Variants in ILDR1 observed in about 807,000 individuals in gnomAD.
The protein encoded by ILDR1 is immunoglobulin-like domain-containing receptor 1.
Under a neutral mutation model 62.4 loss-of-function variants are expected in ILDR1, and 56 were observed. That is an observed-to-expected ratio of 0.90 (90% CI 0.72 to 1.12). ILDR1 has a LOEUF of 1.12. ILDR1 is among the 50% of genes most tolerant of loss of function. The pLI, the probability that ILDR1 is intolerant of heterozygous loss-of-function variation, is 0.00. For synonymous variants in ILDR1, 284 were observed against 277.8 expected (o/e 1.02, Z -0.22); for missense variants, 736 against 710.6 (o/e 1.04, Z -0.41).
At chr3:122,053,057 C>T in the ILDR1 span, among the ~76,000 whole-genome samples, 621 of 152,246 alleles carry the variant, frequency 4.1e-3, no homozygotes, top group Non-Finnish European at 7.2e-3. Flanking sequence ...TGTGATGTAG[C>T]CTCTTAGCCA....
intron 5 of ILDR1, among the ~76,000 whole-genome samples, chr3:122,000,620 T>C (rs1041541805): frequency 5.3e-5 from 8 of 152,234 alleles, no homozygotes; most frequent in Non-Finnish European, 1.2e-4. Context: ...AGCAAATTAA[T>C]TGAACTGGAG....
the ILDR1 span, among the ~76,000 whole-genome samples, chr3:122,032,682 G>A: frequency 2.0e-5 from 3 of 152,276 alleles, no homozygotes; most frequent in South Asian, 4.2e-4. Flanking sequence ...GGTCATAAAA[G>A]GTACTATAGC....
chr3:122,004,599 T>C (rs927545209), intron 3 of ILDR1, among the ~76,000 whole-genome samples: 5 of 152,160 alleles, frequency 3.3e-5, no homozygotes, highest in African/African-American at 1.2e-4. Flanking sequence ...ATAGATAGGC[T>C]TTAGACACAG....
At chr3:121,996,600 G>A (rs2071439860) in intron 5 of ILDR1, among the ~76,000 whole-genome samples, 1 of 152,194 alleles carries the variant, frequency 6.6e-6, no homozygotes, top group Non-Finnish European at 1.5e-5. Context: ...CAACAAAGCT[G>A]CAAAAGACTC....
At chr3:122,005,203 CCCCCCA>C in intron 3 of ILDR1, 35 bp downstream of exon 3, 1 of 1,117,120 alleles carries the variant, frequency 9.0e-7, no homozygotes, top group Non-Finnish European at 1.3e-6. Context: ...GTCTGCACCT[CCCCCCA>C]CCCCCAGTTC....
chr3:122,052,299 T>A, the ILDR1 span, among the ~76,000 whole-genome samples: 3 of 152,094 alleles, frequency 2.0e-5, no homozygotes, highest in South Asian at 6.2e-4. Flanking sequence ...AAGAAACCAA[T>A]CCTATGGGCA....
At chr3:122,016,672 G>T (rs1027437202) in intron 1 of ILDR1, among the ~76,000 whole-genome samples, 1 of 152,230 alleles carries the variant, frequency 6.6e-6, no homozygotes, top group Non-Finnish European at 1.5e-5. Context: ...TTCAAACAAA[G>T]AGCTTTAGCC....
chr3:122,052,033 C>T, the ILDR1 span, among the ~76,000 whole-genome samples: 1 of 152,040 alleles, frequency 6.6e-6, no homozygotes. Flanking sequence ...CCCTAGTCTT[C>T]TAGAGTATGT....
chr3:122,005,279 A>C lies in ILDR1; in HGVS notation c.344T>G (p.Val115Gly), dbSNP rs1050482590. The C allele has an allele frequency of 1.2e-6, 2 of 1,605,472 alleles. No individual in the cohort carries two copies. Among genetic ancestry groups the C allele is most frequent in the Admixed American group, 3.4e-5 (2 of 58,922 alleles). Residue 115 changes from valine (V) to glycine (G), a missense_variant, in exon 3 of 8, where the codon GTA becomes GGA. Physicochemically the swap from Val to Gly is moderately radical, Grantham distance 109 (BLOSUM62 -3). Transcript: ENST00000344209. ...GGTGATCTTGCGCTGCCGGTAATCTACCCCCAGCACGGGCTCATTCTGCCC... is the reference window on the plus strand; with the variant it reads ...GGTGATCTTGCGCTGCCGGTAATCTCCCCCCAGCACGGGCTCATTCTGCCC... ...RRGQNEPVLGVDYRQRKITIQ... is the reference protein window; with the variant it reads ...RRGQNEPVLGGDYRQRKITIQ...
rs2071521028 is a variant in ILDR1, at chr3:122,001,330, G to A, written c.624C>T (p.Ala208=). 6.2e-7 allele frequency: 1 copy of A among 1,614,166 alleles called. No homozygotes were observed. Among genetic ancestry groups the A allele is most frequent in the African/African-American group, 1.3e-5 (1 of 75,024 alleles). ...CCYIRCPCCP[A]HCCCPEEALA... is the part of the protein sequence containing the mutation. Reference sequence around the variant, plus strand: ...CACCTTCCTCAGGACAGCAGCAGTGGGCAGGACAGCAGGGACAGCGGATAT... The same window carrying A: ...CACCTTCCTCAGGACAGCAGCAGTGAGCAGGACAGCAGGGACAGCGGATAT... Residue 208 remains alanine (A), a synonymous_variant, in exon 5 of 8, where the codon GCC becomes GCT. Transcript: ENST00000344209.
chr3:122,010,851 A>G (rs1211311407), intron 1 of ILDR1, among the ~76,000 whole-genome samples: 4 of 152,224 alleles, frequency 2.6e-5, no homozygotes, highest in Admixed American at 6.5e-5. Flanking sequence ...ATCTTCAAAT[A>G]TATTCTTTTA....
At chr3:121,994,155 C>T (rs901759368) in intron 6 of ILDR1, 27 bp downstream of exon 6, 2 of 1,535,198 alleles carry the variant, frequency 1.3e-6, no homozygotes, top group African/African-American at 2.7e-5. Context: ...CTGCCCTCCC[C>T]TATCCCAAAT....
chr3:122,055,641 CT>C, the ILDR1 span: 1 of 788,142 alleles, frequency 1.3e-6, no homozygotes, highest in Non-Finnish European at 2.1e-6. Context: ...TACAAAAGAT[CT>C]TTGGCACATA....
intron 3 of ILDR1, among the ~76,000 whole-genome samples, chr3:122,005,001 T>A (rs542461610): frequency 6.6e-6 from 1 of 152,298 alleles, no homozygotes; most frequent in African/African-American, 2.4e-5. Context: ...CCCCTAGACC[T>A]TTAGCCAAAG....
At chr3:122,053,146 G>T in the ILDR1 span, among the ~76,000 whole-genome samples, 2 of 152,142 alleles carry the variant, frequency 1.3e-5, no homozygotes, top group Non-Finnish European at 2.9e-5. Context: ...ACAGGCTGGG[G>T]TTTCTCATTC....
the ILDR1 span, among the ~76,000 whole-genome samples, chr3:122,056,134 C>G: frequency 2.0e-5 from 3 of 152,054 alleles, no homozygotes; most frequent in Admixed American, 1.3e-4. Context: ...CATCATCATT[C>G]TTTTTGACAG....
the ILDR1 span, among the ~76,000 whole-genome samples, chr3:122,054,993 G>A: frequency 6.7e-6 from 1 of 150,118 alleles, no homozygotes; most frequent in African/African-American, 2.4e-5. Flanking sequence ...TGTGGAAATT[G>A]GCAGGGTTAG....
At chr3:122,002,180 A>G (rs552964188) in intron 3 of ILDR1, among the ~76,000 whole-genome samples, 2 of 152,326 alleles carry the variant, frequency 1.3e-5, no homozygotes, top group Non-Finnish European at 2.9e-5. Context: ...AGTTGCCAGT[A>G]TATGGGGCTT....
In ILDR1 at chr3:121,988,703, TC is replaced by T. The variant is rs538141859; in HGVS notation, c.1600-296del. On this transcript the variant is annotated intron_variant, in intron 7 of 7. Coordinates refer to ENST00000344209, the MANE Select transcript of ILDR1 (RefSeq NM_001199799.2). The stretch of plus-strand genomic sequence containing the variant: ...CTCTGTTTTCTAATACCTTCAAGTC[TC>T]CCTTAGACTGAAAAAGGGGTACCCT... 2.0e-4 allele frequency among the ~76,000 whole-genome samples: 30 copies of T among 152,310 alleles called. No individual in the cohort carries two copies. The South Asian group carries it at 5.8e-3, about 29-fold the overall frequency.
Sources: gnomAD v4.1 joint callset for allele counts (sites outside exome capture counted in the v4.1 genomes callset) on GRCh38, gnomAD v4.1.1 for gene constraint, MANE v1.5 for transcripts, NCBI Gene and HGNC (gene_info 2026-07-23, HGNC 2026-07-21) for gene names.